The following MTMR7 variants were observed in gnomAD, a reference collection of about 807,000 sequenced individuals.
MTMR7 encodes phosphatidylinositol-3-phosphate phosphatase MTMR7.
In MTMR7, 76 loss-of-function variants were observed where a neutral mutation model predicts 81.2. The observed-to-expected ratio is 0.94, with a 90% CI of 0.78 to 1.13. MTMR7 has a LOEUF of 1.13. Among genes scored for constraint, MTMR7 ranks in the 50% most tolerant of loss-of-function variants. The pLI, the probability that MTMR7 is intolerant of heterozygous loss-of-function variation, is 0.00. For synonymous variants in MTMR7, 372 were observed against 289.8 expected, an observed-to-expected ratio of 1.28 and a Z score of -2.88; for missense variants, 1,044 against 820.0, an observed-to-expected ratio of 1.27 and a Z score of -3.34.
Position 17,348,989 on chromosome 8 carries a change from T to C in MTMR7, c.561A>G (p.Arg187=). ...TATAATAGTAAGAAAGGACAGGAAA[T>C]CGCCGTCTACTCCGGAATTTGGAAC... ...VGSSKFRSRR[R]FPVLSYYYKD... The change falls in exon 5 of 14, where the codon CGA becomes CGG. Residue 187 remains arginine, a synonymous_variant. Transcript: ENST00000180173. 1 of 1,613,390 alleles carries C rather than the reference T, an allele frequency of 6.2e-7. No individual in the cohort carries two copies. Among genetic ancestry groups the C allele is most frequent in the African/African-American group, 1.3e-5 (1 of 74,706 alleles).
Position 17,399,364 on chromosome 8 carries a change from A to G in MTMR7, c.24+13905T>C, listed in dbSNP as rs572016543. 1.4e-4 allele frequency among the ~76,000 whole-genome samples: 22 copies of G among 152,326 alleles called. No individual in the cohort carries two copies. The South Asian group carries it at 3.7e-3, about 26-fold the overall frequency. ...TGAACAATGTGAAAAAGAAATCAAG[A>G]AAGCAATCCTATTTATAATAGCTAC... is the stretch of plus-strand genomic sequence containing the variant. On this transcript the variant is annotated intron_variant, in intron 1 of 13. Coordinates refer to ENST00000180173, the MANE Select transcript of MTMR7 (RefSeq NM_004686.5).
At chr8:17,389,046 G>C (rs1022638035) in intron 1 of MTMR7, among the ~76,000 whole-genome samples, 1 of 152,142 alleles carries the variant, frequency 6.6e-6, no homozygotes, top group African/African-American at 2.4e-5. Context: ...AATAAGCAAA[G>C]CTGCATGATT....
rs1423401204 is a variant in MTMR7, at chr8:17,341,505, GA to G, written c.598-9del. ...GCTCCGGCAGATGGAGGCCTAGGGG[GA>G]GAGGTCACAGCAACACAGCACCATC... On this transcript the variant is annotated splice_polypyrimidine_tract_variant and intron_variant, in intron 5 of 13. Coordinates refer to ENST00000180173, the MANE Select transcript of MTMR7 (RefSeq NM_004686.5). 6.2e-7 allele frequency: 1 copy of G among 1,612,958 alleles called. No homozygotes were observed. The highest frequency in any genetic ancestry group is 2.2e-5 in the East Asian group (1 of 44,880).
At chr8:17,350,920 G>A (rs992735977) in intron 4 of MTMR7, among the ~76,000 whole-genome samples, 2 of 152,166 alleles carry the variant, frequency 1.3e-5, no homozygotes, top group African/African-American at 4.8e-5. Flanking sequence ...ACACTCTAAA[G>A]GAAAATCTGC....
Position 17,302,186 on chromosome 8 carries a change from G to A in MTMR7, c.1588C>T (p.Gln530Ter). Residue 530 changes from glutamine (Q) to a stop codon, truncating the protein, a stop_gained, in exon 13 of 14, where the codon CAG becomes TAG. Transcript: ENST00000180173. LOFTEE classifies it high-confidence loss of function. ...AGGGCCTCTAGTTCTTCCTCTAGCTGCTGAGTTTCTTCCTTCACTGCCATT... is the reference window on the plus strand; with the variant it reads ...AGGGCCTCTAGTTCTTCCTCTAGCTACTGAGTTTCTTCCTTCACTGCCATT... ...YLMAVKEETQ[Q>*]LEEELEALEE... 6.2e-7 allele frequency: 1 copy of A among 1,614,100 alleles called. No individual in the cohort carries two copies. Among genetic ancestry groups the A allele is most frequent in the Non-Finnish European group, 8.5e-7 (1 of 1,179,988 alleles).
intron 3 of MTMR7, among the ~76,000 whole-genome samples, chr8:17,362,516 C>T (rs1338915513): frequency 6.6e-6 from 1 of 152,120 alleles, no homozygotes; most frequent in African/African-American, 2.4e-5. Context: ...CTGACGCAAA[C>T]GGGAGGCACA....
At chr8:17,370,464 G>A (rs1477436456) in intron 3 of MTMR7, among the ~76,000 whole-genome samples, 1 of 146,710 alleles carries the variant, frequency 6.8e-6, no homozygotes, top group Non-Finnish European at 1.5e-5. Context: ...AGGTTGCAGT[G>A]AGCTGAGATT....
intron 2 of MTMR7, among the ~76,000 whole-genome samples, chr8:17,371,636 T>C (rs1308022604): frequency 1.3e-5 from 2 of 152,166 alleles, no homozygotes; most frequent in African/African-American, 2.4e-5. Context: ...ATGTTCGAGT[T>C]CTGTATCAAC....
rs550354085 is a variant in MTMR7, at chr8:17,400,430, C to T, written c.24+12839G>A. Among the ~76,000 whole-genome samples the T allele has an allele frequency of 5.1e-4, 77 of 152,244 alleles. 2 individuals carry two copies. Among genetic ancestry groups the T allele is most frequent in the South Asian group, 2.1e-4 (1 of 4,818 alleles). Reference sequence around the variant, plus strand: ...AGAGTGTGTGTTCTTAACAACTCTACCATTTTGCGTTTTGATGTTGAGAAC... The same window carrying T: ...AGAGTGTGTGTTCTTAACAACTCTATCATTTTGCGTTTTGATGTTGAGAAC... On this transcript the variant is annotated intron_variant, in intron 1 of 13. Transcript: ENST00000180173.
At chr8:17,330,687 T>G (rs931682536) in intron 7 of MTMR7, among the ~76,000 whole-genome samples, 1 of 152,320 alleles carries the variant, frequency 6.6e-6, no homozygotes, top group South Asian at 2.1e-4. Flanking sequence ...GTTACATGCA[T>G]GTGTATTGTG....
intron 12 of MTMR7, among the ~76,000 whole-genome samples, chr8:17,302,951 T>C (rs1184222011): frequency 6.6e-6 from 1 of 151,946 alleles, no homozygotes; most frequent in Admixed American, 6.6e-5. Flanking sequence ...CCTCAGGTGA[T>C]CCACCCACCT....
chr8:17,399,118 A>C (rs2150582416), intron 1 of MTMR7, among the ~76,000 whole-genome samples: 1 of 152,270 alleles, frequency 6.6e-6, no homozygotes, highest in South Asian at 2.1e-4. Context: ...TAGTACTAGA[A>C]GTCCAAGCTA....
chr8:17,338,360 T>C (rs1819312419), intron 6 of MTMR7, among the ~76,000 whole-genome samples: 1 of 152,166 alleles, frequency 6.6e-6, no homozygotes, highest in Non-Finnish European at 1.5e-5. Flanking sequence ...ACACAGTACA[T>C]ATCTGGATCA....
At chr8:17,360,050 A>T (rs1321582693) in intron 4 of MTMR7, among the ~76,000 whole-genome samples, 4 of 152,220 alleles carry the variant, frequency 2.6e-5, no homozygotes, top group African/African-American at 9.6e-5. Flanking sequence ...ATGTCTAAAA[A>T]TTAGAGAGCA....
At chr8:17,388,581 T>C (rs1231970998) in intron 1 of MTMR7, among the ~76,000 whole-genome samples, 1 of 152,256 alleles carries the variant, frequency 6.6e-6, no homozygotes, top group Non-Finnish European at 1.5e-5. Flanking sequence ...TCTAAAATGA[T>C]TCTGAATTTG....
intron 1 of MTMR7, among the ~76,000 whole-genome samples, chr8:17,397,673 C>A (rs1821303389): frequency 6.6e-6 from 1 of 152,188 alleles, no homozygotes; most frequent in African/African-American, 2.4e-5. Context: ...AGGACACATG[C>A]CTAACTGGCT....
At chr8:17,314,814 T>G (rs570848405) in intron 7 of MTMR7, among the ~76,000 whole-genome samples, 1 of 152,342 alleles carries the variant, frequency 6.6e-6, no homozygotes, top group South Asian at 2.1e-4. Context: ...ATGCAGTCGG[T>G]GAAGGGACAG....
chr8:17,304,568 C>G (rs201061683), intron 11 of MTMR7, 49 bp from the exon 12 acceptor site: 2 of 1,576,484 alleles, frequency 1.3e-6, no homozygotes, highest in Non-Finnish European at 1.7e-6. Context: ...GGTGCTTACA[C>G]ACAGTAGATA....
intron 1 of MTMR7, among the ~76,000 whole-genome samples, chr8:17,399,412 A>G (rs1821356594): frequency 6.6e-6 from 1 of 152,026 alleles, no homozygotes. Flanking sequence ...ATACCTAGGA[A>G]ACAATTTAAC....
Sources: gnomAD v4.1 joint callset for allele counts (sites outside exome capture counted in the v4.1 genomes callset) on GRCh38, gnomAD v4.1.1 for gene constraint, MANE v1.5 for transcripts, NCBI Gene and HGNC (gene_info 2026-07-23, HGNC 2026-07-21) for gene names.